Variants in CDC27 observed in about 807,000 individuals in gnomAD.
CDC27 encodes cell division cycle 27.
CDC27 carries 27 observed loss-of-function variants against 109.7 expected under a neutral mutation model. The observed-to-expected ratio is 0.25, with a 90% CI of 0.18 to 0.34. The LOEUF is 0.34. Ranked by LOEUF, CDC27 falls within the 10% of genes least tolerant of loss-of-function variation. CDC27 has a pLI of 1.00. For missense variants in CDC27, 579 were observed against 960.2 expected (o/e 0.60, Z 5.25); for synonymous variants, 266 against 333.9 (o/e 0.80, Z 2.22).
intron 14 of CDC27, among the ~76,000 whole-genome samples, chr17:47,136,237 G>A (rs191391386): frequency 1.3e-4 from 20 of 152,268 alleles, no homozygotes; most frequent in African/African-American, 4.3e-4. Flanking sequence ...CAAGTTGATT[G>A]TTACATTGGT....
intron 12 of CDC27, among the ~76,000 whole-genome samples, chr17:47,141,229 A>G (rs1183345790): frequency 6.6e-6 from 1 of 152,198 alleles, no homozygotes; most frequent in East Asian, 1.9e-4. Flanking sequence ...TTTTATTAAT[A>G]TATAGGTTTC....
chr17:47,123,584 G>A (rs11570569), intron 17 of CDC27, among the ~76,000 whole-genome samples: 1 of 151,476 alleles, frequency 6.6e-6, no homozygotes, highest in Admixed American at 6.6e-5. Context: ...CTAATTTTTT[G>A]TATTTTTAGT....
chr17:47,157,532 C>CA (rs1482214515), intron 5 of CDC27, 148 bp from the exon 6 acceptor site: 6 of 524,604 alleles, frequency 1.1e-5, no homozygotes, highest in Non-Finnish European at 1.7e-5. Flanking sequence ...AATTTACCCC[C>CA]AAAAAACCCA....
chr17:47,156,487 G>T (rs897830688), intron 7 of CDC27, among the ~76,000 whole-genome samples: 1 of 145,806 alleles, frequency 6.9e-6, no homozygotes, highest in African/African-American at 2.6e-5. Context: ...TTGGTCTGTC[G>T]CCCAGGATGG....
At chr17:47,160,254 G>A (rs2063460098) in intron 4 of CDC27, among the ~76,000 whole-genome samples, 1 of 142,764 alleles carries the variant, frequency 7.0e-6, no homozygotes, top group Non-Finnish European at 1.5e-5. Flanking sequence ...TTTCCTGAGA[G>A]TCTGGCCCTG....
At chr17:47,132,741 T>TTTTTTA (rs765179637) in intron 14 of CDC27, among the ~76,000 whole-genome samples, 6 of 125,146 alleles carry the variant, frequency 4.8e-5, no homozygotes, top group African/African-American at 1.8e-4. Flanking sequence ...ATTAAAGCAG[T>TTTTTTA]TTATTATTAT....
intron 4 of CDC27, chr17:47,160,000 TC>T: frequency 4.3e-6 from 1 of 232,640 alleles, no homozygotes; most frequent in Non-Finnish European, 8.3e-6. Flanking sequence ...AACCTCTGCT[TC>T]TTTTTTTTTT....
At chr17:47,166,196 C>T (rs574964877) in intron 4 of CDC27, among the ~76,000 whole-genome samples, 4 of 152,220 alleles carry the variant, frequency 2.6e-5, no homozygotes, top group Admixed American at 6.5e-5. Context: ...AATGTGGCCT[C>T]ATGAGTAGAG....
intron 3 of CDC27, chr17:47,170,340 G>A (rs1424772470): frequency 5.4e-6 from 1 of 184,116 alleles, no homozygotes. Flanking sequence ...TGGGACTACA[G>A]GTGCACACCA....
At chr17:47,167,797 C>T (rs1008992557) in intron 4 of CDC27, among the ~76,000 whole-genome samples, 1 of 152,194 alleles carries the variant, frequency 6.6e-6, no homozygotes, top group African/African-American at 2.4e-5. Context: ...TGTAGACAGC[C>T]TCAGGTCCCA....
intron 15 of CDC27, among the ~76,000 whole-genome samples, chr17:47,131,291 T>C (rs2062322756): frequency 6.6e-6 from 1 of 152,234 alleles, no homozygotes; most frequent in Non-Finnish European, 1.5e-5. Flanking sequence ...CTCTCCATTT[T>C]TTCCGTAGTA....
chr17:47,165,058 T>A (rs1472311967), intron 4 of CDC27, among the ~76,000 whole-genome samples: 1 of 152,236 alleles, frequency 6.6e-6, no homozygotes, highest in Non-Finnish European at 1.5e-5. Flanking sequence ...GTCAGATTAA[T>A]GTTATATAAA....
Position 47,143,959 on chromosome 17 carries a change from G to A in CDC27, c.1094C>T (p.Pro365Leu). 6.8e-7 allele frequency: 1 copy of A among 1,468,770 alleles called. No homozygotes were observed. The highest frequency in any genetic ancestry group is 9.1e-7 in the Non-Finnish European group (1 of 1,100,904). The allele number at this position is 1,468,770 out of a possible 1,614,324, so 91.0% of individuals were successfully genotyped here. Residue 365 changes from proline (P) to leucine (L), a missense_variant, in exon 10 of 19, where the codon CCC becomes CTC. Coordinates refer to ENST00000066544, the MANE Select transcript of CDC27 (RefSeq NM_001256.6). ...TGCGTTTGGGGGAGATGTAATAGTG[G>A]GGCTCAATACCTGAGGTGTTGTACT... ...QTSTTPQVLS[P>L]TITSPPNALP... is the part of the protein sequence containing the mutation.
chr17:47,178,426 T>C (rs2148992007), intron 2 of CDC27, among the ~76,000 whole-genome samples: 1 of 151,018 alleles, frequency 6.6e-6, no homozygotes, highest in Middle Eastern at 3.4e-3. Context: ...TCTCATCTAG[T>C]AGGGAGGTTG....
At chr17:47,124,954 G>A (rs2062089068) in intron 16 of CDC27, among the ~76,000 whole-genome samples, 1 of 152,056 alleles carries the variant, frequency 6.6e-6, no homozygotes, top group Non-Finnish European at 1.5e-5. Flanking sequence ...CTCTCATTCT[G>A]TCACCCAGGC....
chr17:47,132,437 A>C, intron 14 of CDC27, 63 bp from the exon 15 acceptor site: 1 of 733,410 alleles, frequency 1.4e-6, no homozygotes, highest in Non-Finnish European at 2.2e-6. Flanking sequence ...ATTTAGTTCA[A>C]TTAGTAAAAG....
At chr17:47,146,122 G>A (rs1242307318) in intron 9 of CDC27, among the ~76,000 whole-genome samples, 2 of 152,222 alleles carry the variant, frequency 1.3e-5, no homozygotes, top group African/African-American at 4.8e-5. Context: ...AGCCCAGAAA[G>A]AAGACATGAA....
intron 1 of CDC27, among the ~76,000 whole-genome samples, chr17:47,182,043 C>G (rs1254236163): frequency 6.6e-6 from 1 of 152,204 alleles, no homozygotes; most frequent in African/African-American, 2.4e-5. Context: ...GCACTCATAA[C>G]ATGGTTATTT....
chr17:47,134,487 T>G (rs1322021999), intron 14 of CDC27, among the ~76,000 whole-genome samples: 1 of 151,492 alleles, frequency 6.6e-6, no homozygotes, highest in African/African-American at 2.4e-5. Context: ...TTTTTTTTGT[T>G]TTGTTTTGTT....
Sources: allele counts gnomAD v4.1 joint callset (sites outside exome capture counted in the v4.1 genomes callset), GRCh38; gene constraint gnomAD v4.1.1; transcripts MANE v1.5; gene names NCBI Gene and HGNC (gene_info 2026-07-23, HGNC 2026-07-21).